The following CCNF variants were observed in gnomAD, a reference collection of about 807,000 sequenced individuals.
CCNF encodes the protein cyclin-F.
Under a neutral mutation model 85.4 loss-of-function variants are expected in CCNF, and 30 were observed. That is an observed-to-expected ratio of 0.35 (90% CI 0.26 to 0.48). CCNF has a LOEUF of 0.48. Ranked by LOEUF, CCNF falls within the 20% of genes least tolerant of loss-of-function variation. The probability of loss-of-function intolerance (pLI) is 0.99; values close to 1 mark genes in which losing one functional copy is unlikely to be tolerated. For synonymous variants in CCNF, 439 were observed against 425.1 expected, an observed-to-expected ratio of 1.03 and a Z score of -0.40; for missense variants, 919 against 1,010.4, an observed-to-expected ratio of 0.91 and a Z score of 1.23.
chr16:2,443,431 A>G (rs534654142), intron 8 of CCNF, among the ~76,000 whole-genome samples: 17 of 151,968 alleles, frequency 1.1e-4, no homozygotes, highest in Non-Finnish European at 2.4e-4. Context: ...GGCCACTGAC[A>G]TTTCATTATA....
At chr16:2,443,901 C>A in intron 9 of CCNF, 101 bp downstream of exon 9, 3 of 1,045,430 alleles carry the variant, frequency 2.9e-6, no homozygotes, top group African/African-American at 1.7e-5. Flanking sequence ...TGTGACAGGG[C>A]GGCATAGAGT....
In CCNF at chr16:2,458,700, C is replaced by G. The variant is rs939329069; in HGVS notation, c.*1680C>G. 1.3e-5 allele frequency: 2 copies of G among 152,236 alleles called. No homozygotes were observed. The highest frequency in any genetic ancestry group is 4.8e-5 in the African/African-American group (2 of 41,420). The allele number at this position is 152,236 out of a possible 1,614,324, so 9.4% of individuals were successfully genotyped here. On this transcript the variant is annotated 3_prime_UTR_variant, in exon 17 of 17. Coordinates refer to ENST00000397066, the MANE Select transcript of CCNF (RefSeq NM_001761.3). ...CTGGCCACCCTGGGTGGGGTGTGGT[C>G]GGGGTGAGAACCCAAGCGTTGGAAC...
Position 2,449,330 on chromosome 16 carries a change from G to A in CCNF, c.1267G>A (p.Val423Met). ...GGAGGTCCTGCTGACGCTAGTCCCT[G>A]TGGAGCTGAGAACCCAGCACCTGTG... ...YKEVLLTLVP[V>M]ELRTQHLCSF... is the part of the protein sequence containing the mutation. The change falls in exon 12 of 17, where the codon GTG becomes ATG. Residue 423 changes from valine (V) to methionine (M), a missense_variant. By Grantham distance (21) the Val-to-Met change is conservative (BLOSUM62 1). Around this residue, in one of 3 missense-constraint regions of CCNF, gnomAD observed 505 missense variants for 514.8 expected, o/e 0.98. Coordinates refer to ENST00000397066, the MANE Select transcript of CCNF (RefSeq NM_001761.3). 1 of 1,613,892 alleles carries A rather than the reference G, an allele frequency of 6.2e-7. No individual in the cohort carries two copies. The highest frequency in any genetic ancestry group is 1.1e-5 in the South Asian group (1 of 91,084).
At chr16:2,439,576 T>C in intron 7 of CCNF, 119 bp downstream of exon 7, 2 of 921,692 alleles carry the variant, frequency 2.2e-6, no homozygotes, top group Non-Finnish European at 1.7e-6. Flanking sequence ...TCCCGGTCTC[T>C]CAGCCTCCGG....
chr16:2,441,818 A>G (rs1487040568), intron 8 of CCNF, among the ~76,000 whole-genome samples: 1 of 148,632 alleles, frequency 6.7e-6, no homozygotes, highest in Non-Finnish European at 1.5e-5. Flanking sequence ...CACCTGGCCA[A>G]AAAAAATTAA....
intron 16 of CCNF, 40 bp downstream of exon 16, chr16:2,455,604 C>T (rs756568009): frequency 1.3e-6 from 2 of 1,561,726 alleles, no homozygotes; most frequent in African/African-American, 2.7e-5. Context: ...GGACATCACA[C>T]AGAGGGTGGC....
chr16:2,457,521 C>T lies in CCNF; in HGVS notation c.*501C>T, dbSNP rs11552572. 353 of 155,528 alleles carry T rather than the reference C, an allele frequency of 2.3e-3. 2 individuals carry two copies. The Middle Eastern group carries it at 0.023, about 10-fold the overall frequency. The allele number at this position is 155,528 out of a possible 1,614,324, so 9.6% of individuals were successfully genotyped here. On this transcript the variant is annotated 3_prime_UTR_variant, in exon 17 of 17. Coordinates refer to ENST00000397066, the MANE Select transcript of CCNF (RefSeq NM_001761.3). ...CTCATCCACCTCGGCCTGCATGGGG[C>T]ACCCACTTCCTTCTGGGTGGGGCTT...
rs1596934213 is a variant in CCNF, at chr16:2,456,358, T to C, written c.1886-187T>C. ...CTTGTCATCTCCACATTTGTTGGAG[T>C]CATGGCGGGCAGCTGTCCAACTTGG... is the stretch of plus-strand genomic sequence containing the variant. On this transcript the variant is annotated intron_variant, in intron 16 of 16. Transcript: ENST00000397066. This position sits in a 1 kb window ranked among gnomAD's most constrained non-coding sequence, Gnocchi z 4.5. The C allele has an allele frequency of 4.2e-6, 2 of 476,086 alleles. No homozygotes were observed. Among genetic ancestry groups the C allele is most frequent in the East Asian group, 6.6e-5 (2 of 30,514 alleles). 29.5% of individuals were successfully genotyped at this position (476,086 alleles called of 1,614,324 possible).
rs1034226487 is a variant in CCNF, at chr16:2,451,269, G to A, written c.1487+1354G>A. On this transcript the variant is annotated intron_variant, in intron 13 of 16. Transcript: ENST00000397066. This position sits in a 1 kb window ranked among gnomAD's most constrained non-coding sequence, Gnocchi z 4.3. ...GCGGGGGCGACTCCCTTCAGGGAGC[G>A]TAGCCGGGGTCACCTGGGCATCTGA... is the stretch of plus-strand genomic sequence containing the variant. 6.6e-6 allele frequency among the ~76,000 whole-genome samples: 1 copy of A among 152,222 alleles called. No homozygotes were observed. Among genetic ancestry groups the A allele is most frequent in the Non-Finnish European group, 1.5e-5 (1 of 68,032 alleles).
chr16:2,442,782 AT>A (rs1481733723), intron 8 of CCNF, among the ~76,000 whole-genome samples: 930 of 7,538 alleles, frequency 0.12, 259 homozygotes, highest in African/African-American at 0.49. Flanking sequence ...CATATATAAT[AT>A]TATATATTAT....
At chr16:2,446,919 C>T (rs900643660) in intron 10 of CCNF, among the ~76,000 whole-genome samples, 25 of 152,032 alleles carry the variant, frequency 1.6e-4, no homozygotes, top group Admixed American at 2.0e-4. Flanking sequence ...GTAGTCTCTT[C>T]GGGCCTGTGT....
chr16:2,449,409 C>T lies in CCNF; in HGVS notation c.1346C>T (p.Pro449Leu), dbSNP rs1285208612. Residue 449 changes from proline to leucine, a missense_variant, in exon 12 of 17, where the codon CCA becomes CTA. Pro to Leu is a moderately conservative substitution (Grantham distance 98). Around this residue, in one of 3 missense-constraint regions of CCNF, gnomAD observed 505 missense variants for 514.8 expected, o/e 0.98. Transcript: ENST00000397066. Reference protein sequence around the residue: ...LLHTSLSAYAPARLAAAALLL... With the variant: ...LLHTSLSAYALARLAAAALLL... ...CACACCAGCCTGTCCGCCTACGCCC[C>T]AGCCCGCCTGGCTGCCGCAGCCCTG... 1 of 1,611,204 alleles carries T rather than the reference C, an allele frequency of 6.2e-7. No homozygotes were observed. The highest frequency in any genetic ancestry group is 1.3e-5 in the African/African-American group (1 of 74,942).
At chr16:2,444,439 A>G (rs533918371) in intron 9 of CCNF, among the ~76,000 whole-genome samples, 5 of 150,594 alleles carry the variant, frequency 3.3e-5, no homozygotes, top group African/African-American at 1.2e-4. Context: ...AGCTGGGACT[A>G]CAGGTGCCTG....
intron 10 of CCNF, among the ~76,000 whole-genome samples, chr16:2,448,603 A>G (rs1046882520): frequency 2.0e-5 from 3 of 152,156 alleles, no homozygotes; most frequent in Non-Finnish European, 4.4e-5. Context: ...TTGAAGAGAT[A>G]GGGTCTTGCT....
intron 8 of CCNF, among the ~76,000 whole-genome samples, chr16:2,441,937 T>TTATATA (rs55737759): frequency 0.017 from 1,024 of 59,888 alleles, 16 homozygotes; most frequent in East Asian, 0.021. Flanking sequence ...TATTAGCAAA[T>TTATATA]TATATATATA....
chr16:2,445,958 G>A (rs1203622962), intron 10 of CCNF, among the ~76,000 whole-genome samples: 1 of 152,052 alleles, frequency 6.6e-6, no homozygotes, highest in Non-Finnish European at 1.5e-5. Flanking sequence ...TCAAACTCTT[G>A]ATTTCAAATG....
chr16:2,437,021 G>A (rs547961449), intron 4 of CCNF, 108 bp from the exon 5 acceptor site: 236 of 907,614 alleles, frequency 2.6e-4, no homozygotes, highest in African/African-American at 1.4e-3. Context: ...CAGCTGCTTT[G>A]CACTATGGTG....
At chr16:2,449,488 G>T (rs765205100) in intron 12 of CCNF, 26 bp downstream of exon 12, 2 of 1,586,376 alleles carry the variant, frequency 1.3e-6, no homozygotes, top group East Asian at 2.2e-5. Flanking sequence ...TCCCAGGGAT[G>T]CCTGTGTCGG....
Position 2,437,341 on chromosome 16 carries a change from C to A in CCNF, c.540+19C>A. ...GCAGAGGGTGAGTCTGGGCGAGGGG[C>A]AGCACCTGCGAGGCCACCTGCAGGG... On this transcript the variant is annotated intron_variant, in intron 5 of 16. Coordinates refer to ENST00000397066, the MANE Select transcript of CCNF (RefSeq NM_001761.3). 1 of 1,552,868 alleles carries A rather than the reference C, an allele frequency of 6.4e-7. No individual in the cohort carries two copies. Among genetic ancestry groups the A allele is most frequent in the Non-Finnish European group, 8.7e-7 (1 of 1,148,574 alleles).
Sources: allele counts gnomAD v4.1 joint callset (sites outside exome capture counted in the v4.1 genomes callset), GRCh38; gene constraint gnomAD v4.1.1; regional missense constraint gnomAD v4.1.1; non-coding constraint Gnocchi (gnomAD v3.1); transcripts MANE v1.5; gene names NCBI Gene and HGNC (gene_info 2026-07-23, HGNC 2026-07-21).